The following PSG3 variants were observed in gnomAD, a reference collection of about 807,000 sequenced individuals.
The protein encoded by PSG3 is pregnancy-specific beta-1-glycoprotein 3.
Under a neutral mutation model 47.5 loss-of-function variants are expected in PSG3, and 61 were observed. The observed-to-expected ratio is 1.28, with a 90% confidence interval of 1.05 to 1.59. PSG3 has a LOEUF of 1.59. Among genes scored for constraint, PSG3 ranks in the 40% most tolerant of loss-of-function variants. PSG3 has a pLI of 0.00. For synonymous variants in PSG3, 263 were observed against 198.4 expected, an observed-to-expected ratio of 1.33 and a Z score of -2.74; for missense variants, 756 against 524.0, an observed-to-expected ratio of 1.44 and a Z score of -4.32.
At chr19:42,734,999 G>A (rs1475472255) in intron 2 of PSG3, among the ~76,000 whole-genome samples, 1 of 152,144 alleles carries the variant, frequency 6.6e-6, no homozygotes, top group Admixed American at 6.5e-5. Context: ...CTCCCCACAC[G>A]CAGAACTCCA....
At chr19:42,734,469 G>A (rs559849625) in intron 2 of PSG3, among the ~76,000 whole-genome samples, 7 of 152,128 alleles carry the variant, frequency 4.6e-5, no homozygotes, top group African/African-American at 1.7e-4. Context: ...ATAAAAATTT[G>A]TCAGGAGTTT....
At chr19:42,727,523 A>C (rs185351204) in intron 5 of PSG3, among the ~76,000 whole-genome samples, 52 of 152,352 alleles carry the variant, frequency 3.4e-4, no homozygotes, top group African/African-American at 1.2e-3. Context: ...CAGCATCAGG[A>C]ATACTTGGAG....
intron 5 of PSG3, among the ~76,000 whole-genome samples, chr19:42,727,903 T>G (rs1969402141): frequency 6.6e-6 from 1 of 152,170 alleles, no homozygotes; most frequent in Admixed American, 6.5e-5. Context: ...GGTAGGCAAA[T>G]GAGGTGTATC....
At chr19:42,722,339 C>T (rs1055166164) in intron 6 of PSG3, among the ~76,000 whole-genome samples, 3 of 152,204 alleles carry the variant, frequency 2.0e-5, no homozygotes, top group Admixed American at 2.0e-4. Context: ...CAAGCTCCGC[C>T]TCCCGGGTTC....
intron 6 of PSG3, among the ~76,000 whole-genome samples, chr19:42,722,756 G>A (rs1217139988): frequency 6.6e-6 from 1 of 152,124 alleles, no homozygotes; most frequent in African/African-American, 2.4e-5. Context: ...ATAGTCTTAT[G>A]TATGTTGAAA....
At chr19:42,722,838 C>T (rs1330841574) in intron 6 of PSG3, among the ~76,000 whole-genome samples, 2 of 152,188 alleles carry the variant, frequency 1.3e-5, no homozygotes, top group Non-Finnish European at 2.9e-5. Flanking sequence ...CCTATTACAA[C>T]AAGAGTTCTC....
chr19:42,727,064 G>T (rs1969389339), intron 5 of PSG3, among the ~76,000 whole-genome samples: 1 of 152,154 alleles, frequency 6.6e-6, no homozygotes, highest in African/African-American at 2.4e-5. Flanking sequence ...TATTGGGAAA[G>T]GTGGATATCC....
At chr19:42,726,110 A>T (rs1162060639) in intron 5 of PSG3, among the ~76,000 whole-genome samples, 1 of 152,136 alleles carries the variant, frequency 6.6e-6, no homozygotes, top group Non-Finnish European at 1.5e-5. Flanking sequence ...ATATTTTTTC[A>T]TAATAAAAAC....
rs764966986 is a variant in PSG3, at chr19:42,732,870, G to A, written c.623C>T (p.Thr208Ile). Reference sequence around the variant, plus strand: ...TTCATAGGGTCCTGCAGTGTACTTTGTGACACCAAATAGAAAGAGGGTCCT... The same window carrying A: ...TTCATAGGGTCCTGCAGTGTACTTTATGACACCAAATAGAAAGAGGGTCCT... ...NKRTLFLFGV[T>I]KYTAGPYECE... Residue 208 changes from threonine to isoleucine, a missense_variant, in exon 3 of 7, where the codon ACA (threonine) becomes ATA (isoleucine). Thr to Ile is a moderately conservative substitution (Grantham distance 89, BLOSUM62 -1). Transcript: ENST00000327495. The A allele has an allele frequency of 6.2e-7, 1 of 1,614,006 alleles. No homozygotes were observed. The highest frequency in any genetic ancestry group is 1.7e-5 in the Admixed American group (1 of 59,988).
At position 42,738,729 on chromosome 19, in the gene PSG3, A is replaced by C. The variant is rs541007597; in HGVS notation, c.425T>G (p.Leu142Ter). 1 of 1,613,794 alleles carries C rather than the reference A, an allele frequency of 6.2e-7. No individual in the cohort carries two copies. The highest frequency in any genetic ancestry group is 8.5e-7 in the Non-Finnish European group (1 of 1,179,790). Residue 142 changes from leucine (L) to a stop codon, truncating the protein, a stop_gained, in exon 2 of 7, where the codon TTA becomes TGA. Transcript: ENST00000327495. LOFTEE classifies it high-confidence loss of function. ...RGETGHFTFT[L>*]YLETPKPSIS... ...GATCACGTGGAGTCACTCACGGTAT[A>C]AGGTGAAGGTGAAATGTCCAGTTTC...
chr19:42,730,906 T>G (rs1037963698), intron 3 of PSG3, among the ~76,000 whole-genome samples: 1 of 152,238 alleles, frequency 6.6e-6, no homozygotes, highest in African/African-American at 2.4e-5. Flanking sequence ...AGGGTGGGAA[T>G]GAACTGCTGG....
chr19:42,726,337 G>C (rs1440083672), intron 5 of PSG3, among the ~76,000 whole-genome samples: 1 of 152,186 alleles, frequency 6.6e-6, no homozygotes, highest in Non-Finnish European at 1.5e-5. Context: ...AAATTGGAAG[G>C]AAGGAGTAAA....
rs752610700 is a variant in PSG3 at position 42,738,829 on chromosome 19, T to G, written c.325A>C (p.Ile109Leu). Residue 109 changes from isoleucine to leucine, a missense_variant, in exon 2 of 7, where the codon ATC becomes CTC. Coordinates refer to ENST00000327495, the MANE Select transcript of PSG3 (RefSeq NM_021016.4). Reference protein sequence around the residue: ...ETVYSNASLLIQNVTREDAGS... With the variant: ...ETVYSNASLLLQNVTREDAGS... ...GCGTCCTCCCGGGTGACATTCTGGATCAGCAGGGATGCATTGGAATATACT... is the reference window on the plus strand; with the variant it reads ...GCGTCCTCCCGGGTGACATTCTGGAGCAGCAGGGATGCATTGGAATATACT... 14 of 1,614,000 alleles carry G rather than the reference T, an allele frequency of 8.7e-6. No individual in the cohort carries two copies. The East Asian group carries it at 2.9e-4, about 33-fold the overall frequency.
intron 2 of PSG3, among the ~76,000 whole-genome samples, chr19:42,738,201 A>G (rs1486731629): frequency 1.3e-5 from 2 of 152,196 alleles, no homozygotes; most frequent in Non-Finnish European, 2.9e-5. Flanking sequence ...TGGCTGGTGA[A>G]CAGCTCCAGG....
intron 2 of PSG3, among the ~76,000 whole-genome samples, chr19:42,736,494 T>C (rs1322452685): frequency 6.6e-6 from 1 of 152,194 alleles, no homozygotes; most frequent in Non-Finnish European, 1.5e-5. Flanking sequence ...CTTGAAAATC[T>C]CTAAGCCCTG....
rs148270690 is a variant in PSG3, at chr19:42,732,508, C to G, written c.709+276G>C. On this transcript the variant is annotated intron_variant, in intron 3 of 6. Coordinates refer to ENST00000327495, the MANE Select transcript of PSG3 (RefSeq NM_021016.4). Reference sequence around the variant, plus strand: ...CACTGAAGTCCCAGCCAAATCCCTGCTGTGTTCACTGATCTGGAGCCTGAG... The same window carrying G: ...CACTGAAGTCCCAGCCAAATCCCTGGTGTGTTCACTGATCTGGAGCCTGAG... 7.2e-3 allele frequency: 5,268 copies of G among 736,670 alleles called. 39 individuals carry two copies. Among genetic ancestry groups the G allele is most frequent in the East Asian group, 0.029 (997 of 34,754 alleles). The allele number at this position is 736,670 out of a possible 1,614,324, so 45.6% of individuals were successfully genotyped here. A position where few individuals can be genotyped will look rare whatever the true frequency, so the allele number is the denominator to read the frequency against.
Position 42,740,356 on chromosome 19 carries a change from G to T in PSG3, c.29C>A (p.Thr10Lys), listed in dbSNP as rs772441422. The stretch of plus-strand genomic sequence containing the variant: ...GAGCCCCTTCCAGGTGATGCGCTGT[G>T]TGCAGGGAGGGGCTGAGAGGGGCCC... MGPLSAPPC[T>K]QRITWKGLLL... The change falls in exon 1 of 7, where the codon ACA becomes AAA. Residue 10 changes from threonine to lysine, a missense_variant. By Grantham distance (78) the Thr-to-Lys change is moderately conservative. Coordinates refer to ENST00000327495, the MANE Select transcript of PSG3 (RefSeq NM_021016.4). 9 of 1,613,846 alleles carry T rather than the reference G, an allele frequency of 5.6e-6. No homozygotes were observed. Among genetic ancestry groups the T allele is most frequent in the African/African-American group, 1.3e-5 (1 of 74,896 alleles).
chr19:42,737,880 T>C (rs547818011), intron 2 of PSG3, among the ~76,000 whole-genome samples: 2 of 152,216 alleles, frequency 1.3e-5, no homozygotes, highest in Non-Finnish European at 2.9e-5. Flanking sequence ...TGTGAATAAA[T>C]GTTAAATGAT....
At chr19:42,736,180 A>T (rs1209960085) in intron 2 of PSG3, among the ~76,000 whole-genome samples, 2 of 152,240 alleles carry the variant, frequency 1.3e-5, no homozygotes, top group Non-Finnish European at 2.9e-5. Flanking sequence ...ATGTTGGCAG[A>T]GTTTTTATAA....
Sources: allele counts gnomAD v4.1 joint callset (sites outside exome capture counted in the v4.1 genomes callset), GRCh38; gene constraint gnomAD v4.1.1; transcripts MANE v1.5; gene names NCBI Gene and HGNC (gene_info 2026-07-23, HGNC 2026-07-21).